Variants in ABAT observed in about 807,000 individuals in gnomAD.
ABAT encodes 4-aminobutyrate aminotransferase.
In ABAT, 45 loss-of-function variants were observed where a neutral mutation model predicts 64.6. That is an observed-to-expected ratio of 0.70 (90% CI 0.55 to 0.89). The LOEUF is 0.89. ABAT is among the 40% of genes least tolerant of loss of function. The pLI is 0.00. For synonymous variants in ABAT, 297 were observed against 250.5 expected, an observed-to-expected ratio of 1.19 and a Z score of -1.75; for missense variants, 633 against 658.4, an observed-to-expected ratio of 0.96 and a Z score of 0.42.
intron 11 of ABAT, among the ~76,000 whole-genome samples, chr16:8,770,283 G>T (rs554038360): frequency 1.3e-5 from 2 of 151,854 alleles, no homozygotes; most frequent in Non-Finnish European, 2.9e-5. Flanking sequence ...GACTACAGGC[G>T]CTTGACACCA....
chr16:8,732,904 C>A (rs563624461), intron 1 of ABAT, among the ~76,000 whole-genome samples: 7 of 148,950 alleles, frequency 4.7e-5, no homozygotes, highest in Non-Finnish European at 8.9e-5. Context: ...CACCTCCGGA[C>A]GGGGCGGCTG....
chr16:8,744,699 C>T (rs1159484860), intron 2 of ABAT, among the ~76,000 whole-genome samples: 1 of 151,872 alleles, frequency 6.6e-6, no homozygotes, highest in Non-Finnish European at 1.5e-5. Flanking sequence ...CAGACCTCAG[C>T]CAGGCTAAAA....
intron 4 of ABAT, among the ~76,000 whole-genome samples, chr16:8,750,195 T>G (rs930724858): frequency 7.8e-6 from 1 of 127,808 alleles, no homozygotes; most frequent in Non-Finnish European, 1.7e-5. Flanking sequence ...ATAAAACACA[T>G]ACAGAAAAAT....
rs1037873786 is a variant in ABAT at position 8,776,853 on chromosome 16, C to T, written c.1269+363C>T. On this transcript the variant is annotated intron_variant, in intron 14 of 15. Coordinates refer to ENST00000268251, the MANE Select transcript of ABAT (RefSeq NM_020686.6). The surrounding 1 kb of genome is among the most constrained non-coding windows in gnomAD (Gnocchi z 4.4). ...CTCAGCCTCCCAAAGTGCTGGGCAGCGCCTGCCGGCACTGGTTATCTTTCT... is the reference window on the plus strand; with the variant it reads ...CTCAGCCTCCCAAAGTGCTGGGCAGTGCCTGCCGGCACTGGTTATCTTTCT... Among the ~76,000 whole-genome samples the T allele has an allele frequency of 1.3e-5, 2 of 150,916 alleles. No homozygotes were observed. The highest frequency in any genetic ancestry group is 6.6e-5 in the Admixed American group (1 of 15,168).
In ABAT at chr16:8,776,480, T is replaced by G. The variant is rs769420793; in HGVS notation, c.1259T>G (p.Leu420Arg). The change falls in exon 14 of 16, where the codon CTG becomes CGG. Residue 420 changes from leucine to arginine, a missense_variant. Coordinates refer to ENST00000268251, the MANE Select transcript of ABAT (RefSeq NM_020686.6). This position sits in a 1 kb window ranked among gnomAD's most constrained non-coding sequence, Gnocchi z 4.4. ...GGGAAGGCCCTGCTCACAGGACTGC[T>G]GGACCTCCAGGTAACACCCCCTCCC... is the stretch of plus-strand genomic sequence containing the variant. ...HAGKALLTGLLDLQARYPQFI... is the reference protein window; with the variant it reads ...HAGKALLTGLRDLQARYPQFI... The G allele has an allele frequency of 6.2e-7, 1 of 1,613,788 alleles. No individual in the cohort carries two copies. Among genetic ancestry groups the G allele is most frequent in the South Asian group, 1.1e-5 (1 of 90,982 alleles).
intron 1 of ABAT, among the ~76,000 whole-genome samples, chr16:8,712,510 A>G (rs2058099673): frequency 6.6e-6 from 1 of 152,148 alleles, no homozygotes; most frequent in South Asian, 2.1e-4. Flanking sequence ...GCCGTGGCTC[A>G]CTGGTGAATA....
rs1248513995 is a variant in ABAT, at chr16:8,782,818, G to C, written c.*1388G>C. On this transcript the variant is annotated 3_prime_UTR_variant, in exon 16 of 16. Coordinates refer to ENST00000268251, the MANE Select transcript of ABAT (RefSeq NM_020686.6). ...CTGGCTTGTATTATCTGTCCAAAAG[G>C]AAGCCTCTTCATCTCCCGGTGCCTT... The C allele has an allele frequency of 1.3e-5, 2 of 152,196 alleles. No homozygotes were observed. Among genetic ancestry groups the C allele is most frequent in the Non-Finnish European group, 2.9e-5 (2 of 68,042 alleles). The allele number at this position is 152,196 out of a possible 1,614,324, so 9.4% of individuals were successfully genotyped here.
chr16:8,764,132 C>G lies in ABAT; in HGVS notation c.430C>G (p.Arg144Gly). The change falls in exon 7 of 16, where the codon CGG becomes GGG. Residue 144 changes from arginine (R) to glycine (G), a missense_variant. By Grantham distance (125) the Arg-to-Gly change is moderately radical. Coordinates refer to ENST00000268251, the MANE Select transcript of ABAT (RefSeq NM_020686.6). This position sits in a 1 kb window ranked among gnomAD's most constrained non-coding sequence, Gnocchi z 4.2. ...TCCGGAGAACTTTGTGGAGAAGCTCCGGCAGTCCTTGCTCTCGGTGAGTTC... is the reference window on the plus strand; with the variant it reads ...TCCGGAGAACTTTGTGGAGAAGCTCGGGCAGTCCTTGCTCTCGGTGAGTTC... ...LPPENFVEKL[R>G]QSLLSVAPKG... 1 of 1,613,452 alleles carries G rather than the reference C, an allele frequency of 6.2e-7. No homozygotes were observed. The highest frequency in any genetic ancestry group is 8.5e-7 in the Non-Finnish European group (1 of 1,179,970).
chr16:8,674,922 C>G (rs2057159578), intron 1 of ABAT, among the ~76,000 whole-genome samples: 1 of 152,152 alleles, frequency 6.6e-6, no homozygotes, highest in South Asian at 2.1e-4. Context: ...CAGAAATGGG[C>G]CCTTCCTCCT....
chr16:8,768,127 A>G (rs573277423), intron 9 of ABAT, 66 bp from the exon 10 acceptor site: 2 of 1,509,522 alleles, frequency 1.3e-6, no homozygotes, highest in Admixed American at 3.3e-5. Flanking sequence ...CTGGACTTGC[A>G]GGGGCAACAA....
At chr16:8,759,077 G>T (rs752455410) in intron 6 of ABAT, among the ~76,000 whole-genome samples, 14 of 152,018 alleles carry the variant, frequency 9.2e-5, no homozygotes, top group Non-Finnish European at 1.0e-4. Flanking sequence ...ACTCCAGCTT[G>T]GGTGACAGAG....
chr16:8,715,959 G>A (rs1325460869), intron 1 of ABAT, among the ~76,000 whole-genome samples: 1 of 152,116 alleles, frequency 6.6e-6, no homozygotes, highest in Non-Finnish European at 1.5e-5. Flanking sequence ...GAGTGGGCAC[G>A]AGTGTGGCAA....
chr16:8,688,956 T>C (rs901912574), intron 1 of ABAT, among the ~76,000 whole-genome samples: 6 of 152,130 alleles, frequency 3.9e-5, no homozygotes, highest in Admixed American at 3.9e-4. Flanking sequence ...GGCAGGTGCC[T>C]TTAGTCCCAG....
rs369636907 is a variant in ABAT at position 8,718,523 on chromosome 16, T to C, written c.-41-17176T>C. ...AGAGTATAGGGCTGAAACTCCATGA[T>C]TGAATTCAACAAGTGTTTTTGAGCA... On this transcript the variant is annotated intron_variant, in intron 1 of 15. Transcript: ENST00000268251. Among the ~76,000 whole-genome samples, 18 of 152,256 alleles carry C rather than the reference T, an allele frequency of 1.2e-4. No individual in the cohort carries two copies. In the South Asian group the frequency reaches 3.5e-3, roughly 30 times the overall value.
At chr16:8,739,634 G>C (rs1627098) in intron 2 of ABAT, among the ~76,000 whole-genome samples, 150,940 of 152,276 alleles carry the variant, frequency 0.99, 74,812 homozygotes, top group East Asian at 1. Flanking sequence ...AGGAGAATGG[G>C]TTAGAACCCA....
At chr16:8,765,969 T>C in intron 8 of ABAT, 1 of 467,522 alleles carries the variant, frequency 2.1e-6, no homozygotes, top group Non-Finnish European at 4.0e-6. Context: ...CAGATCTTAA[T>C]CCAACAGATC....
intron 1 of ABAT, among the ~76,000 whole-genome samples, chr16:8,693,679 G>A (rs1043873409): frequency 3.3e-5 from 5 of 152,178 alleles, no homozygotes; most frequent in African/African-American, 1.2e-4. Flanking sequence ...ATGTTGGCCA[G>A]GCTGGTCTTG....
chr16:8,715,023 C>T (rs1420462402), intron 1 of ABAT: 2 of 152,236 alleles, frequency 1.3e-5, no homozygotes, highest in Non-Finnish European at 2.9e-5. Flanking sequence ...AACTTCCACC[C>T]AAGAACAGCT....
chr16:8,683,606 A>C (rs2057384849), intron 1 of ABAT: 1 of 151,758 alleles, frequency 6.6e-6, no homozygotes, highest in African/African-American at 2.4e-5. Flanking sequence ...CTGCTATGAT[A>C]CTGAAAATAT....
Sources: gnomAD v4.1 joint callset for allele counts (sites outside exome capture counted in the v4.1 genomes callset) on GRCh38, gnomAD v4.1.1 for gene constraint, Gnocchi (gnomAD v3.1) non-coding constraint, MANE v1.5 for transcripts, NCBI Gene and HGNC (gene_info 2026-07-23, HGNC 2026-07-21) for gene names.